Variants in RAB3IL1 observed in about 807,000 individuals in gnomAD.
RAB3IL1 encodes RAB3A interacting protein like 1.
In RAB3IL1, 37 loss-of-function variants were observed where a neutral mutation model predicts 49.2. That is an observed-to-expected ratio of 0.75 (90% CI 0.58 to 0.99). The LOEUF is 0.99. Ranked by LOEUF, RAB3IL1 falls within the 50% of genes least tolerant of loss-of-function variation. The pLI is 0.00. For missense variants in RAB3IL1, 484 were observed against 513.0 expected (o/e 0.94, Z 0.55); for synonymous variants, 193 against 213.9 (o/e 0.90, Z 0.85).
the RAB3IL1 span, among the ~76,000 whole-genome samples, chr11:61,944,659 T>C: frequency 0.76 from 115,634 of 152,142 alleles, 46,044 homozygotes; most frequent in Non-Finnish European, 0.9. Context: ...CTTATTTGCC[T>C]GACTGTCCTG....
the RAB3IL1 span, among the ~76,000 whole-genome samples, chr11:61,941,252 G>A: frequency 1.3e-5 from 2 of 150,562 alleles, no homozygotes; most frequent in African/African-American, 2.4e-5. Context: ...TCCTCAAGAA[G>A]AAACAGAAAA....
chr11:61,942,133 A>G, the RAB3IL1 span, among the ~76,000 whole-genome samples: 1 of 150,972 alleles, frequency 6.6e-6, no homozygotes, highest in East Asian at 2.0e-4. Flanking sequence ...ATCGCTTGAA[A>G]CCAGAAGATG....
chr11:61,906,684 T>A lies in RAB3IL1; in HGVS notation c.439A>T (p.Ile147Phe), dbSNP rs747427745. Residue 147 changes from isoleucine (I) to phenylalanine (F), a missense_variant and splice_region_variant, in exon 5 of 10, where the codon ATC (isoleucine) becomes TTC (phenylalanine). Ile to Phe is a conservative substitution (Grantham distance 21). Transcript: ENST00000394836. This position sits in a 1 kb window ranked among gnomAD's most constrained non-coding sequence, Gnocchi z 4.6. ...GTCACCTCTGCCTGCAGCATGTCGA[T>A]CTGCATGGGATGGGATGGCTGTCAA... ...EKQLKEARGK[I>F]DMLQAEVTAL... 2.5e-6 allele frequency: 4 copies of A among 1,605,718 alleles called. No homozygotes were observed. Among genetic ancestry groups the A allele is most frequent in the Non-Finnish European group, 2.5e-6 (3 of 1,176,604 alleles).
Position 61,906,451 on chromosome 11 carries a change from G to T in RAB3IL1, c.657+15C>A. 1 of 1,539,366 alleles carries T rather than the reference G, an allele frequency of 6.5e-7. No homozygotes were observed. ...CCACCCTTCCCCGTGCCCAGAGCCCGCTTCCCACCCTCACCTCCTTGCCCT... is the reference window on the plus strand; with the variant it reads ...CCACCCTTCCCCGTGCCCAGAGCCCTCTTCCCACCCTCACCTCCTTGCCCT... On this transcript the variant is annotated intron_variant, in intron 5 of 9. Transcript: ENST00000394836. This position sits in a 1 kb window ranked among gnomAD's most constrained non-coding sequence, Gnocchi z 4.6.
At chr11:61,899,972 G>A (rs1938820756) in intron 8 of RAB3IL1, among the ~76,000 whole-genome samples, 1 of 152,228 alleles carries the variant, frequency 6.6e-6, no homozygotes. Flanking sequence ...CTCACACCAC[G>A]GAGAGGGTAC....
chr11:61,907,890 G>A (rs909644938), intron 2 of RAB3IL1, among the ~76,000 whole-genome samples, 164 bp downstream of exon 2: 3 of 152,168 alleles, frequency 2.0e-5, no homozygotes, highest in Non-Finnish European at 4.4e-5. Context: ...CAGTCAAGAC[G>A]GGTGACCATC....
intron 1 of RAB3IL1, 36 bp from the exon 2 acceptor site, chr11:61,908,342 G>A: frequency 1.4e-6 from 2 of 1,420,018 alleles, no homozygotes; most frequent in Non-Finnish European, 1.8e-6. Flanking sequence ...GGTTCAGGGT[G>A]GGGTCCTGAG....
At chr11:61,921,785 A>G (rs1441961726), upstream of RAB3IL1, among the ~76,000 whole-genome samples, 1 of 151,916 alleles carries the variant, frequency 6.6e-6, no homozygotes, top group East Asian at 1.9e-4. Flanking sequence ...TAGTTCTGCC[A>G]CTCGCTGACT....
At chr11:61,941,089 A>G in the RAB3IL1 span, among the ~76,000 whole-genome samples, 1 of 152,134 alleles carries the variant, frequency 6.6e-6, no homozygotes, top group Non-Finnish European at 1.5e-5. Context: ...TTCTGTTTCT[A>G]TAAATAAATA....
rs548770844 is a variant in RAB3IL1, at chr11:61,917,548, C to A, written c.-181G>T. 5.4e-6 allele frequency: 6 copies of A among 1,104,976 alleles called. No homozygotes were observed. Among genetic ancestry groups the A allele is most frequent in the African/African-American group, 1.7e-5 (1 of 60,154 alleles). The allele number at this position is 1,104,976 out of a possible 1,614,324, so 68.4% of individuals were successfully genotyped here. ...TCGCGGCCCCCAGCCCAGCCCCGACCCTGCCCTGGGCGGGTCACGTGGCGG... is the reference window on the plus strand; with the variant it reads ...TCGCGGCCCCCAGCCCAGCCCCGACACTGCCCTGGGCGGGTCACGTGGCGG... On this transcript the variant is annotated 5_prime_UTR_variant, in exon 1 of 10. Coordinates refer to ENST00000394836, the MANE Select transcript of RAB3IL1 (RefSeq NM_013401.4).
At chr11:61,935,962 T>A in the RAB3IL1 span, among the ~76,000 whole-genome samples, 7 of 147,686 alleles carry the variant, frequency 4.7e-5, no homozygotes, top group Non-Finnish European at 7.5e-5. Flanking sequence ...GAGGAACATT[T>A]AAAAAAAAAA....
chr11:61,930,159 G>T, the RAB3IL1 span, among the ~76,000 whole-genome samples: 9 of 152,000 alleles, frequency 5.9e-5, no homozygotes, highest in Non-Finnish European at 1.0e-4. Flanking sequence ...GCCTCCTGAA[G>T]TGCTGGGATT....
At chr11:61,924,173 A>G (rs1013281647), upstream of RAB3IL1, among the ~76,000 whole-genome samples, 1 of 152,154 alleles carries the variant, frequency 6.6e-6, no homozygotes, top group African/African-American at 2.4e-5. Flanking sequence ...GAGGGCAGGC[A>G]CTTGTCCCAG....
intron 1 of RAB3IL1, among the ~76,000 whole-genome samples, chr11:61,908,916 C>T (rs1286647029): frequency 6.6e-6 from 1 of 152,222 alleles, no homozygotes; most frequent in African/African-American, 2.4e-5. Context: ...GCAGTCCCAG[C>T]TCTCCCCTGG....
At chr11:61,923,425 T>G (rs1939947395), upstream of RAB3IL1, among the ~76,000 whole-genome samples, 1 of 152,138 alleles carries the variant, frequency 6.6e-6, no homozygotes, top group Non-Finnish European at 1.5e-5. Flanking sequence ...TAGAGCTCAG[T>G]CACGAGGGGA....
the RAB3IL1 span, among the ~76,000 whole-genome samples, chr11:61,929,523 A>AT: frequency 7.7e-5 from 11 of 143,762 alleles, no homozygotes; most frequent in Non-Finnish European, 1.1e-4. Flanking sequence ...CTTTAAAAAA[A>AT]TTTAAAAAAA....
the RAB3IL1 span, among the ~76,000 whole-genome samples, chr11:61,942,655 G>T: frequency 6.6e-6 from 1 of 152,010 alleles, no homozygotes; most frequent in Non-Finnish European, 1.5e-5. Flanking sequence ...ATTCAGCAAA[G>T]TTACAGGATA....
chr11:61,938,299 G>A, the RAB3IL1 span, among the ~76,000 whole-genome samples: 1 of 152,180 alleles, frequency 6.6e-6, no homozygotes, highest in Non-Finnish European at 1.5e-5. Context: ...TACTCAGGAA[G>A]CTAAGGTGGG....
At chr11:61,917,683 G>T, upstream of RAB3IL1, 2 of 554,348 alleles carry the variant, frequency 3.6e-6, no homozygotes, top group Non-Finnish European at 4.6e-6. Context: ...GCCGCGCCGG[G>T]ACAGGGAGAC....
Sources: allele counts gnomAD v4.1 joint callset (sites outside exome capture counted in the v4.1 genomes callset), GRCh38; gene constraint gnomAD v4.1.1; non-coding constraint Gnocchi (gnomAD v3.1); transcripts MANE v1.5; gene names NCBI Gene and HGNC (gene_info 2026-07-23, HGNC 2026-07-21).